Variants in TFRC observed in about 807,000 individuals in gnomAD.
TFRC encodes transferrin receptor, also known as transferrin receptor protein 1.
TFRC carries 35 observed loss-of-function variants against 85.8 expected under a neutral mutation model. That is an observed-to-expected ratio of 0.41 (90% CI 0.31 to 0.54). The LOEUF (loss-of-function observed/expected upper bound fraction) is 0.54, where lower values mean the gene tolerates loss of function less well. Ranked by LOEUF, TFRC falls within the 20% of genes least tolerant of loss-of-function variation. The pLI is 0.31. For synonymous variants in TFRC, 362 were observed against 328.6 expected, an observed-to-expected ratio of 1.10 and a Z score of -1.10; for missense variants, 828 against 921.5, an observed-to-expected ratio of 0.90 and a Z score of 1.31.
intron 14 of TFRC, 152 bp downstream of exon 14, chr3:196,060,028 T>C (rs1717140829): frequency 9.9e-6 from 6 of 604,972 alleles, no homozygotes; most frequent in East Asian, 2.9e-5. Flanking sequence ...TATGGTTCAA[T>C]AGGCAAGTAT....
Position 196,055,223 on chromosome 3 carries a change from C to T in TFRC, c.1756G>A (p.Val586Met). 6.2e-7 allele frequency: 1 copy of T among 1,614,214 alleles called. No individual in the cohort carries two copies. Among genetic ancestry groups the T allele is most frequent in the Non-Finnish European group, 8.5e-7 (1 of 1,180,046 alleles). The change falls in exon 17 of 19, where the codon GTG becomes ATG. Residue 586 changes from valine (V) to methionine (M), a missense_variant. By Grantham distance (21) the Val-to-Met change is conservative. Coordinates refer to ENST00000360110, the MANE Select transcript of TFRC (RefSeq NM_001128148.3). Reference sequence around the variant, plus strand: ...GCGACCTCTGCAGCTGCTCGTGCCACTTTGTTCAACTCAGGAATCCTCTCA... The same window carrying T: ...GCGACCTCTGCAGCTGCTCGTGCCATTTTGTTCAACTCAGGAATCCTCTCA... ...LIERIPELNKVARAAAEVAGQ... is the reference protein window; with the variant it reads ...LIERIPELNKMARAAAEVAGQ...
intron 11 of TFRC, 37 bp from the exon 12 acceptor site, chr3:196,062,976 G>A: frequency 6.5e-7 from 1 of 1,548,322 alleles, no homozygotes; most frequent in Non-Finnish European, 8.9e-7. Flanking sequence ...CTGAGGAAAG[G>A]TTATACACAG....
chr3:196,050,486 A>G lies in TFRC; in HGVS notation c.*1456T>C, dbSNP rs1365375418. 1.5e-5 allele frequency: 3 copies of G among 204,722 alleles called. No individual in the cohort carries two copies. The highest frequency in any genetic ancestry group is 3.0e-5 in the Non-Finnish European group (3 of 99,668). 12.7% of individuals were successfully genotyped at this position (204,722 alleles called of 1,614,324 possible). A position where few individuals can be genotyped will look rare whatever the true frequency, so the allele number is the denominator to read the frequency against. On this transcript the variant is annotated 3_prime_UTR_variant, in exon 19 of 19. Coordinates refer to ENST00000360110, the MANE Select transcript of TFRC (RefSeq NM_001128148.3). Reference sequence around the variant, plus strand: ...AAAATTATGGGAAACACTGTTCCCGATAATTACTTACACCCTTAGTGTAAC... The same window carrying G: ...AAAATTATGGGAAACACTGTTCCCGGTAATTACTTACACCCTTAGTGTAAC...
intron 11 of TFRC, 46 bp downstream of exon 11, chr3:196,064,263 G>A: frequency 6.3e-7 from 1 of 1,582,842 alleles, no homozygotes; most frequent in Non-Finnish European, 8.6e-7. Context: ...ATCTAGAACT[G>A]TATGCAGTGC....
At chr3:196,077,380 C>T (rs900135893) in intron 1 of TFRC, among the ~76,000 whole-genome samples, 1 of 150,866 alleles carries the variant, frequency 6.6e-6, no homozygotes, top group Non-Finnish European at 1.5e-5. Context: ...GAACTCCTGG[C>T]CTCAAACAAT....
In TFRC at chr3:196,075,333, G is replaced by A. The variant is rs373123870; in HGVS notation, c.64C>T (p.Arg22Trp). The part of the protein sequence containing the change: ...LFGGEPLSYT[R>W]FSLARQVDGD... ...TCTACTTGCCGAGCCAGGCTGAACC[G>A]GGTATATGACAATGGTTCTCCACCA... is the stretch of plus-strand genomic sequence containing the variant. Residue 22 changes from arginine (R) to tryptophan (W), a missense_variant, in exon 3 of 19, where the codon CGG becomes TGG. By Grantham distance (101) the Arg-to-Trp change is moderately radical. Coordinates refer to ENST00000360110, the MANE Select transcript of TFRC (RefSeq NM_001128148.3). The A allele has an allele frequency of 4.3e-6, 7 of 1,614,064 alleles. No homozygotes were observed. Among genetic ancestry groups the A allele is most frequent in the Non-Finnish European group, 5.9e-6 (7 of 1,180,016 alleles).
intron 1 of TFRC, among the ~76,000 whole-genome samples, chr3:196,078,134 G>A (rs1718864529): frequency 6.6e-6 from 1 of 152,148 alleles, no homozygotes. Flanking sequence ...CCTAAGTTAA[G>A]TTAAAGGCCT....
Position 196,074,058 on chromosome 3 carries a change from T to G in TFRC, c.306A>C (p.Ala102=), listed in dbSNP as rs200479625. 18 of 1,614,168 alleles carry G rather than the reference T, an allele frequency of 1.1e-5. No individual in the cohort carries two copies. In the East Asian group the frequency reaches 4.0e-4, roughly 36 times the overall value. Residue 102 remains alanine (A), a synonymous_variant, in exon 4 of 19, where the codon GCA becomes GCC. Coordinates refer to ENST00000360110, the MANE Select transcript of TFRC (RefSeq NM_001128148.3). ...CCTCCCTCACTGGAGACTCGGTTCCTGCCAGTCTCTCACACTCAGTTTTTG... is the reference window on the plus strand; with the variant it reads ...CCTCCCTCACTGGAGACTCGGTTCCGGCCAGTCTCTCACACTCAGTTTTTG... The part of the protein sequence containing the change: ...VEPKTECERL[A]GTESPVREEP...
chr3:196,058,478 T>C, intron 15 of TFRC, 96 bp downstream of exon 15: 1 of 1,477,676 alleles, frequency 6.8e-7, no homozygotes, highest in Non-Finnish European at 9.4e-7. Flanking sequence ...TAGGTGTAAG[T>C]AAGTTCAATG....
At chr3:196,080,395 T>C (rs779580351) in intron 1 of TFRC, among the ~76,000 whole-genome samples, 2 of 152,090 alleles carry the variant, frequency 1.3e-5, no homozygotes, top group African/African-American at 2.4e-5. Flanking sequence ...TGAGCCACCA[T>C]GCCCGGCTAA....
intron 10 of TFRC, among the ~76,000 whole-genome samples, chr3:196,065,123 G>A (rs985747428): frequency 2.0e-5 from 3 of 152,028 alleles, no homozygotes; most frequent in African/African-American, 7.2e-5. Context: ...TTAGCCAGGC[G>A]TGGTGGCGCA....
rs762642190 is a variant in TFRC at position 196,075,380 on chromosome 3, A to G, written c.37-20T>C. 7 of 1,613,398 alleles carry G rather than the reference A, an allele frequency of 4.3e-6. No homozygotes were observed. The highest frequency in any genetic ancestry group is 5.9e-6 in the Non-Finnish European group (7 of 1,179,356). On this transcript the variant is annotated intron_variant, in intron 2 of 18. Transcript: ENST00000360110. ...ACCAAACTGTGTTGCGGAAAAAGGC[A>G]TGATGAAGAACAGGCACGGGAATGT...
intron 10 of TFRC, 101 bp from the exon 11 acceptor site, chr3:196,064,529 A>T: frequency 9.1e-7 from 1 of 1,099,616 alleles, no homozygotes; most frequent in Non-Finnish European, 1.2e-6. Flanking sequence ...CAGTATATGT[A>T]TTAAGGATAA....
chr3:196,073,440 G>C (rs1718397435), intron 4 of TFRC, among the ~76,000 whole-genome samples: 1 of 152,036 alleles, frequency 6.6e-6, no homozygotes, highest in Non-Finnish European at 1.5e-5. Context: ...ATTGTCTCTG[G>C]ATACTGACTG....
intron 3 of TFRC, chr3:196,074,326 C>A (rs1718474185): frequency 2.3e-6 from 1 of 438,556 alleles, no homozygotes; most frequent in South Asian, 5.2e-5. Flanking sequence ...CAAATAGCTA[C>A]CTATTCAAAA....
chr3:196,073,849 T>C, intron 4 of TFRC, 81 bp downstream of exon 4: 7 of 1,390,914 alleles, frequency 5.0e-6, no homozygotes, highest in Non-Finnish European at 5.9e-6. Context: ...TTCCCCACAG[T>C]GTCACCATTA....
At chr3:196,054,107 C>G (rs371509954) in intron 17 of TFRC, among the ~76,000 whole-genome samples, 4 of 151,806 alleles carry the variant, frequency 2.6e-5, no homozygotes, top group Non-Finnish European at 4.4e-5. Context: ...GCGTGGTGGC[C>G]GGCACCTGTA....
chr3:196,057,781 CAA>C (rs370832734), intron 16 of TFRC, among the ~76,000 whole-genome samples: 16,533 of 77,368 alleles, frequency 0.21, 1,085 homozygotes, highest in African/African-American at 0.3. Context: ...TCACCATTGT[CAA>C]AAAAAAAAAA....
intron 17 of TFRC, among the ~76,000 whole-genome samples, chr3:196,054,384 GACA>G (rs1263526613): frequency 5.3e-5 from 8 of 151,706 alleles, no homozygotes; most frequent in African/African-American, 1.9e-4. Flanking sequence ...CAGCCTGGGG[GACA>G]AGAGCGAGAC....
Sources: allele counts gnomAD v4.1 joint callset (sites outside exome capture counted in the v4.1 genomes callset), GRCh38; gene constraint gnomAD v4.1.1; transcripts MANE v1.5; gene names NCBI Gene and HGNC (gene_info 2026-07-23, HGNC 2026-07-21).